Variants in ASS1 observed in about 807,000 individuals in gnomAD.
ASS1 encodes argininosuccinate synthase.
ASS1 carries 58 observed loss-of-function variants against 60.5 expected under a neutral mutation model. The ratio of observed to expected loss-of-function variants is 0.96; its 90% CI spans 0.78 to 1.19. The LOEUF (loss-of-function observed/expected upper bound fraction) is 1.19, where lower values mean the gene tolerates loss of function less well. Among genes scored for constraint, ASS1 ranks in the 50% most tolerant of loss-of-function variants. ASS1 has a pLI of 0.00. For missense variants in ASS1, 454 were observed against 547.3 expected (o/e 0.83, Z 1.70); for synonymous variants, 200 against 206.9 (o/e 0.97, Z 0.29).
At chr9:130,469,983 G>A (rs541474483) in intron 6 of ASS1, among the ~76,000 whole-genome samples, 3 of 152,208 alleles carry the variant, frequency 2.0e-5, no homozygotes, top group African/African-American at 7.2e-5. Context: ...AGTGCACCCT[G>A]TGCCCTATAA....
At chr9:130,486,818 C>T (rs1161969275) in intron 11 of ASS1, among the ~76,000 whole-genome samples, 1 of 152,218 alleles carries the variant, frequency 6.6e-6, no homozygotes, top group Non-Finnish European at 1.5e-5. Context: ...GAGAACCAAG[C>T]CCCCAGAGAG....
At chr9:130,487,017 T>C (rs1470267537) in intron 11 of ASS1, among the ~76,000 whole-genome samples, 1 of 113,176 alleles carries the variant, frequency 8.8e-6, no homozygotes, top group African/African-American at 4.2e-5. Context: ...TCCAGTTGGC[T>C]GGGTGGTATT....
At chr9:130,467,359 C>T (rs905250741) in intron 6 of ASS1, among the ~76,000 whole-genome samples, 8 of 152,168 alleles carry the variant, frequency 5.3e-5, no homozygotes. Flanking sequence ...GCATCAAGAT[C>T]CTTAGCCGCT....
At chr9:130,465,481 C>A (rs1845715397) in intron 5 of ASS1, among the ~76,000 whole-genome samples, 1 of 152,212 alleles carries the variant, frequency 6.6e-6, no homozygotes, top group African/African-American at 2.4e-5. Flanking sequence ...GTTGAGTCTG[C>A]AAGACCCAGA....
chr9:130,449,488 TGGGA>T (rs1380211395), intron 1 of ASS1, among the ~76,000 whole-genome samples: 2 of 152,092 alleles, frequency 1.3e-5, no homozygotes, highest in African/African-American at 4.8e-5. Context: ...CAGGTGCCTC[TGGGA>T]GGAGGCAGGA....
intron 1 of ASS1, chr9:130,451,586 C>T (rs1219809326): frequency 8.6e-6 from 3 of 350,102 alleles, no homozygotes; most frequent in Non-Finnish European, 1.7e-5. Flanking sequence ...CCCACAGCAT[C>T]CTTCTCCACC....
intron 1 of ASS1, among the ~76,000 whole-genome samples, chr9:130,450,826 A>T (rs914983): frequency 6.6e-6 from 1 of 152,102 alleles, no homozygotes; most frequent in Non-Finnish European, 1.5e-5. Context: ...TCTGGGCTCC[A>T]CTTCCCCAGT....
chr9:130,467,663 A>G (rs962196108), intron 6 of ASS1, among the ~76,000 whole-genome samples: 1 of 152,228 alleles, frequency 6.6e-6, no homozygotes, highest in Non-Finnish European at 1.5e-5. Context: ...GGAGTTTACA[A>G]GAGCAAGCCC....
chr9:130,494,897 T>C lies in ASS1; in HGVS notation c.1001T>C (p.Val334Ala), dbSNP rs1434881256. Residue 334 changes from valine to alanine, a missense_variant, in exon 13 of 15, where the codon GTC becomes GCC. Physicochemically the swap from Val to Ala is moderately conservative, Grantham distance 64. Coordinates refer to ENST00000352480, the MANE Select transcript of ASS1 (RefSeq NM_054012.4). The surrounding 1 kb of genome is among the most constrained non-coding windows in gnomAD (Gnocchi z 4.3). ...TGGCACAGCCCTGAGTGTGAATTTG[T>C]CCGCCACTGCATCGCCAAGTCCCAG... ...GFWHSPECEF[V>A]RHCIAKSQER... is the part of the protein sequence containing the mutation. 1.2e-6 allele frequency: 2 copies of C among 1,613,288 alleles called. No individual in the cohort carries two copies. Among genetic ancestry groups the C allele is most frequent in the Non-Finnish European group, 1.7e-6 (2 of 1,179,862 alleles).
At chr9:130,479,108 A>T (rs548262) in intron 9 of ASS1, among the ~76,000 whole-genome samples, 2 of 150,784 alleles carry the variant, frequency 1.3e-5, no homozygotes, top group Non-Finnish European at 2.9e-5. Context: ...CACTGCCCCC[A>T]CCCAACCCCT....
At chr9:130,452,439 C>A in intron 2 of ASS1, 106 bp downstream of exon 2, 1 of 963,118 alleles carries the variant, frequency 1.0e-6, no homozygotes, top group Admixed American at 1.9e-5. Context: ...CTCACCGTCA[C>A]TCATTCAAGC....
At chr9:130,466,905 C>A in intron 6 of ASS1, 106 bp downstream of exon 6, 1 of 1,298,072 alleles carries the variant, frequency 7.7e-7, no homozygotes, top group Non-Finnish European at 1.1e-6. Flanking sequence ...CGGGACTGAC[C>A]CCATGTGATG....
intron 1 of ASS1, among the ~76,000 whole-genome samples, chr9:130,448,194 C>A (rs753581697): frequency 6.6e-6 from 1 of 151,960 alleles, no homozygotes; most frequent in Non-Finnish European, 1.5e-5. Context: ...GGGGGTGCCC[C>A]ACCCGCTGCT....
chr9:130,485,047 T>C (rs549684441), intron 11 of ASS1, among the ~76,000 whole-genome samples: 6 of 152,228 alleles, frequency 3.9e-5, no homozygotes, highest in African/African-American at 1.2e-4. Context: ...CTGCCTGGCC[T>C]CTGCCCACCA....
chr9:130,468,385 C>G (rs2131884174), intron 6 of ASS1, among the ~76,000 whole-genome samples: 1 of 151,672 alleles, frequency 6.6e-6, no homozygotes, highest in South Asian at 2.1e-4. Flanking sequence ...CAGAACCACC[C>G]CATCCTTGTC....
At chr9:130,467,020 G>A (rs369384361) in intron 6 of ASS1, among the ~76,000 whole-genome samples, 2 of 152,310 alleles carry the variant, frequency 1.3e-5, no homozygotes, top group Middle Eastern at 3.4e-3. Flanking sequence ...GGGCGGAGCC[G>A]CTCTGAGGCC....
chr9:130,493,185 G>A (rs1293676617), intron 12 of ASS1, among the ~76,000 whole-genome samples: 3 of 152,194 alleles, frequency 2.0e-5, no homozygotes, highest in Admixed American at 2.0e-4. Context: ...AGTTAGGAGT[G>A]CTTCATCAGA....
chr9:130,463,228 T>C (rs1362945663), intron 4 of ASS1, among the ~76,000 whole-genome samples: 1 of 152,254 alleles, frequency 6.6e-6, no homozygotes, highest in Admixed American at 6.5e-5. Flanking sequence ...TAAGTCTCCC[T>C]CTGGGCTGCC....
In ASS1 at chr9:130,459,408, C is replaced by T. The variant is rs1002994303; in HGVS notation, c.363+819C>T. Among the ~76,000 whole-genome samples, 5 of 152,006 alleles carry T rather than the reference C, an allele frequency of 3.3e-5. No homozygotes were observed. Among genetic ancestry groups the T allele is most frequent in the African/African-American group, 1.2e-4 (5 of 41,366 alleles). ...TTGGATTAGGGCCCTTCAATGACCT[C>T]ATCTTAACTTGGTTACTTTTTGTGT... On this transcript the variant is annotated intron_variant, in intron 4 of 14. Coordinates refer to ENST00000352480, the MANE Select transcript of ASS1 (RefSeq NM_054012.4). The surrounding 1 kb of genome is among the most constrained non-coding windows in gnomAD (Gnocchi z 4.6).
Sources: allele counts gnomAD v4.1 joint callset (sites outside exome capture counted in the v4.1 genomes callset), GRCh38; gene constraint gnomAD v4.1.1; non-coding constraint Gnocchi (gnomAD v3.1); transcripts MANE v1.5; gene names NCBI Gene and HGNC (gene_info 2026-07-23, HGNC 2026-07-21).